GRM7: variants seen among roughly 807,000 people sequenced by gnomAD.
The protein encoded by GRM7 is glutamate metabotropic receptor 7.
A neutral mutation model predicts 84.5 loss-of-function variants in GRM7; 35 were observed. The ratio of observed to expected loss-of-function variants is 0.41; its 90% CI spans 0.32 to 0.55. GRM7 has a LOEUF of 0.55. Ranked by LOEUF, GRM7 falls within the 20% of genes least tolerant of loss-of-function variation. The pLI, the probability that GRM7 is intolerant of heterozygous loss-of-function variation, is 0.19. For missense variants in GRM7, 1,003 were observed against 1,194.6 expected, an observed-to-expected ratio of 0.84 and a Z score of 2.36; for synonymous variants, 487 against 455.1, an observed-to-expected ratio of 1.07 and a Z score of -0.89.
At chr3:6,890,919 T>G (rs979016449) in intron 1 of GRM7, among the ~76,000 whole-genome samples, 2 of 152,156 alleles carry the variant, frequency 1.3e-5, no homozygotes, top group African/African-American at 4.8e-5. Context: ...GGTGCTCCTG[T>G]ATTGGGTGTA....
chr3:6,877,433 C>G (rs929230200), intron 1 of GRM7, among the ~76,000 whole-genome samples: 4 of 152,188 alleles, frequency 2.6e-5, no homozygotes, highest in Non-Finnish European at 4.4e-5. Context: ...CTTCATGGTT[C>G]TATATAGATA....
chr3:6,905,984 AG>A (rs1377315405), intron 1 of GRM7, among the ~76,000 whole-genome samples: 3 of 152,210 alleles, frequency 2.0e-5, no homozygotes, highest in African/African-American at 7.2e-5. Flanking sequence ...TGTGTAAGTT[AG>A]CTTTTGTTGC....
intron 8 of GRM7, among the ~76,000 whole-genome samples, chr3:7,658,817 A>G (rs940107426): frequency 6.6e-6 from 1 of 152,160 alleles, no homozygotes; most frequent in South Asian, 2.1e-4. Context: ...TCTTCCAACA[A>G]TTTTCCACCC....
At chr3:7,300,090 A>G (rs1699945990) in intron 3 of GRM7, among the ~76,000 whole-genome samples, 1 of 152,148 alleles carries the variant, frequency 6.6e-6, no homozygotes, top group South Asian at 2.1e-4. Context: ...TCTCCCAGAG[A>G]AGTCATGCCA....
chr3:7,191,636 C>G (rs1695715130), intron 2 of GRM7, among the ~76,000 whole-genome samples: 1 of 150,338 alleles, frequency 6.7e-6, no homozygotes, highest in African/African-American at 2.5e-5. Flanking sequence ...TGAAACAAGC[C>G]AGTCTCAAAA....
intron 1 of GRM7, among the ~76,000 whole-genome samples, chr3:7,036,680 T>C (rs1271489881): frequency 6.6e-6 from 1 of 152,220 alleles, no homozygotes; most frequent in Non-Finnish European, 1.5e-5. Context: ...ATAGAAAAGG[T>C]CCCCAGTTTA....
At chr3:7,301,847 A>T (rs938792729) in intron 3 of GRM7, among the ~76,000 whole-genome samples, 1 of 152,158 alleles carries the variant, frequency 6.6e-6, no homozygotes, top group Admixed American at 6.5e-5. Context: ...TCTTCGGAAG[A>T]TTTACATTGT....
intron 7 of GRM7, among the ~76,000 whole-genome samples, chr3:7,575,390 G>C (rs1335561568): frequency 6.6e-6 from 1 of 152,180 alleles, no homozygotes; most frequent in Non-Finnish European, 1.5e-5. Context: ...TTTTGTTGCG[G>C]AGTTCAGGAG....
intron 2 of GRM7, among the ~76,000 whole-genome samples, chr3:7,209,350 C>G (rs1326591620): frequency 2.0e-5 from 3 of 152,000 alleles, no homozygotes; most frequent in Admixed American, 2.0e-4. Context: ...TGGAAAACCC[C>G]TAGGAACTTG....
intron 4 of GRM7, among the ~76,000 whole-genome samples, chr3:7,394,705 A>G (rs1396415292): frequency 6.6e-6 from 1 of 152,078 alleles, no homozygotes; most frequent in African/African-American, 2.4e-5. Context: ...TGTCTTATTC[A>G]TAGTATAATT....
At chr3:7,187,121 A>G (rs1559491953) in intron 2 of GRM7, among the ~76,000 whole-genome samples, 1 of 152,092 alleles carries the variant, frequency 6.6e-6, no homozygotes, top group Non-Finnish European at 1.5e-5. Flanking sequence ...AAAATTAACA[A>G]TTGATTTGAT....
chr3:7,574,095 T>C (rs1397753008), intron 7 of GRM7, among the ~76,000 whole-genome samples: 3 of 152,080 alleles, frequency 2.0e-5, no homozygotes, highest in Admixed American at 6.5e-5. Flanking sequence ...TTGTCTTCTT[T>C]ATTTTTATTT....
intron 1 of GRM7, among the ~76,000 whole-genome samples, chr3:6,879,921 C>T (rs900805382): frequency 6.6e-6 from 1 of 152,228 alleles, no homozygotes; most frequent in Non-Finnish European, 1.5e-5. Context: ...TGGTGTGTCA[C>T]TGTGTTACAA....
In GRM7 at chr3:7,284,583, C is replaced by T. The variant is rs546790264; in HGVS notation, c.737-14101C>T. ...AAACCTAAGGCTAAATTTTCATTCT[C>T]TGATTCGGGTTTACTCCAAGCCATG... On this transcript the variant is annotated intron_variant, in intron 2 of 9. Coordinates refer to ENST00000357716, the MANE Select transcript of GRM7 (RefSeq NM_000844.4). Among the ~76,000 whole-genome samples the T allele has an allele frequency of 5.8e-4, 88 of 152,158 alleles. 2 individuals carry two copies. In the South Asian group the frequency reaches 0.018, roughly 31 times the overall value.
intron 5 of GRM7, among the ~76,000 whole-genome samples, chr3:7,450,303 G>C (rs571147128): frequency 6.6e-6 from 1 of 152,228 alleles, no homozygotes; most frequent in East Asian, 1.9e-4. Context: ...AGGTTGCAGG[G>C]AAACAAACAT....
intron 1 of GRM7, among the ~76,000 whole-genome samples, chr3:7,143,783 A>C (rs1451640879): frequency 6.6e-6 from 1 of 152,182 alleles, no homozygotes; most frequent in Non-Finnish European, 1.5e-5. Flanking sequence ...CATCTGCGCA[A>C]CAGCATGAAG....
intron 4 of GRM7, among the ~76,000 whole-genome samples, chr3:7,400,184 TCCCTGGCAGAA>T (rs1695390407): frequency 6.6e-6 from 1 of 152,176 alleles, no homozygotes; most frequent in South Asian, 2.1e-4. Context: ...ACAGGCATCT[TCCCTGGCAGAA>T]CCTCAGTTCA....
intron 1 of GRM7, among the ~76,000 whole-genome samples, chr3:6,961,783 C>G (rs780062285): frequency 6.6e-6 from 1 of 152,110 alleles, no homozygotes; most frequent in Admixed American, 6.6e-5. Context: ...GTAGACCCTC[C>G]CTTCTGTCCC....
At chr3:6,993,222 T>G (rs1440205460) in intron 1 of GRM7, among the ~76,000 whole-genome samples, 1 of 152,140 alleles carries the variant, frequency 6.6e-6, no homozygotes, top group Non-Finnish European at 1.5e-5. Flanking sequence ...GAAACGGCCC[T>G]CATGATTCAA....
Sources: gnomAD v4.1 joint callset for allele counts (sites outside exome capture counted in the v4.1 genomes callset) on GRCh38, gnomAD v4.1.1 for gene constraint, MANE v1.5 for transcripts, NCBI Gene and HGNC (gene_info 2026-07-23, HGNC 2026-07-21) for gene names.